ELF2: variants seen among roughly 807,000 people sequenced by gnomAD.
The protein encoded by ELF2 is E74 like ETS transcription factor 2.
A neutral mutation model predicts 54.8 loss-of-function variants in ELF2; 11 were observed. The observed-to-expected ratio is 0.20, with a 90% CI of 0.13 to 0.33. The LOEUF (loss-of-function observed/expected upper bound fraction) is 0.33. Ranked by LOEUF, ELF2 falls within the 10% of genes least tolerant of loss-of-function variation. The pLI is 1.00. For missense variants in ELF2, 513 were observed against 703.0 expected (o/e 0.73, Z 3.06); for synonymous variants, 203 against 245.1 (o/e 0.83, Z 1.61).
intron 1 of ELF2, among the ~76,000 whole-genome samples, chr4:139,153,695 C>T (rs959708079): frequency 2.0e-5 from 3 of 152,138 alleles, no homozygotes; most frequent in African/African-American, 7.2e-5. Flanking sequence ...TAATTTCACC[C>T]TGACAATATA....
chr4:139,159,452 T>C (rs1001962033), intron 1 of ELF2, among the ~76,000 whole-genome samples: 6 of 152,106 alleles, frequency 3.9e-5, no homozygotes, highest in African/African-American at 4.8e-5. Flanking sequence ...TGGGAAGAGA[T>C]TGATAGGTGA....
chr4:139,096,000 ACTCGGGAGGC>A (rs1313266529), intron 4 of ELF2, among the ~76,000 whole-genome samples: 1 of 152,154 alleles, frequency 6.6e-6, no homozygotes. Flanking sequence ...AATCCCAGCT[ACTCGGGAGGC>A]TGAGGCAGGA....
At position 139,060,337 on chromosome 4, in the gene ELF2, T is replaced by C; in HGVS notation, c.1144A>G (p.Thr382Ala). 6.3e-7 allele frequency: 1 copy of C among 1,599,384 alleles called. No individual in the cohort carries two copies. ...TGCTTCACTTACCTTGGAGCTGCTG[T>C]TGCTGACACAGATGCAGTGGTAGTA... is the stretch of plus-strand genomic sequence containing the variant. ...SPTTTASVSA[T>A]AAPRTVRVAM... The change falls in exon 9 of 10, where the codon ACA (threonine) becomes GCA (alanine). Residue 382 changes from threonine (T) to alanine (A), a missense_variant. Around this residue, in one of 3 missense-constraint regions of ELF2, gnomAD observed 291 missense variants for 366.1 expected, o/e 0.79. Coordinates refer to ENST00000686138, the MANE Select transcript of ELF2 (RefSeq NM_001331036.3).
chr4:139,125,199 T>G lies in ELF2; in HGVS notation c.203A>C (p.Glu68Ala). ...ATTCTCGGTCTCAACTTCTTGTTCT[T>G]CTGCCACATCTTGCATCATATAAGT... ...DETYMMQDVA[E>A]EQEVETENVE... The change falls in exon 4 of 10, where the codon GAA (glutamate) becomes GCA (alanine). Residue 68 changes from glutamate (E) to alanine (A), a missense_variant. Physicochemically the swap from Glu to Ala is moderately radical, Grantham distance 107. Transcript: ENST00000686138. 6.2e-7 allele frequency: 1 copy of G among 1,613,066 alleles called. No homozygotes were observed. Among genetic ancestry groups the G allele is most frequent in the Middle Eastern group, 1.7e-4 (1 of 6,060 alleles).
intron 4 of ELF2, among the ~76,000 whole-genome samples, chr4:139,087,823 G>T (rs1278515309): frequency 6.6e-6 from 1 of 152,100 alleles, no homozygotes; most frequent in Non-Finnish European, 1.5e-5. Context: ...AGTTAGAATA[G>T]TTAATGATCT....
chr4:139,140,698 G>A (rs988476867), intron 1 of ELF2, among the ~76,000 whole-genome samples: 9 of 151,496 alleles, frequency 5.9e-5, no homozygotes, highest in African/African-American at 2.2e-4. Context: ...AGGCCACAGT[G>A]AGCTGTGATC....
Position 139,059,206 on chromosome 4 carries a change from T to C in ELF2, c.1559A>G (p.Gln520Arg), listed in dbSNP as rs1476134720. The change falls in exon 10 of 10, where the codon CAG becomes CGG. Residue 520 changes from glutamine to arginine, a missense_variant. Gln to Arg is a conservative substitution (Grantham distance 43, BLOSUM62 1). Around this residue, in one of 3 missense-constraint regions of ELF2, gnomAD observed 291 missense variants for 366.1 expected, o/e 0.79. Transcript: ENST00000686138. The stretch of plus-strand genomic sequence containing the variant: ...TGCACTGATAACTCGAGGAGGAGTC[T>C]GGCCAGATGCCTGCTGAGTAGGCAT... ...LSMPTQQASG[Q>R]TPPRVISAVI... 3.1e-6 allele frequency: 5 copies of C among 1,613,966 alleles called. No homozygotes were observed. In the South Asian group the frequency reaches 5.5e-5, roughly 18 times the overall value.
At chr4:139,177,900 T>C (rs745755391), upstream of ELF2, among the ~76,000 whole-genome samples, 3 of 151,996 alleles carry the variant, frequency 2.0e-5, no homozygotes, top group Non-Finnish European at 4.4e-5. Flanking sequence ...TCCTCAGCCT[T>C]GGCTTAGTGA....
At chr4:139,113,549 C>G (rs2148813273) in intron 4 of ELF2, among the ~76,000 whole-genome samples, 1 of 149,340 alleles carries the variant, frequency 6.7e-6, no homozygotes. Flanking sequence ...TGACAGAGAC[C>G]CTGTCTCAAA....
chr4:139,083,232 G>A (rs1412737909), intron 4 of ELF2, among the ~76,000 whole-genome samples: 1 of 152,040 alleles, frequency 6.6e-6, no homozygotes, highest in Admixed American at 6.6e-5. Context: ...CTTCCCTAGG[G>A]CCAAGACTCC....
intron 4 of ELF2, chr4:139,114,916 T>A (rs980219312): frequency 6.2e-7 from 1 of 1,612,580 alleles, no homozygotes; most frequent in African/African-American, 1.3e-5. Flanking sequence ...ACCGTTCTCC[T>A]GGGTCGGGGA....
At chr4:139,112,047 C>T (rs1307169671) in intron 4 of ELF2, among the ~76,000 whole-genome samples, 1 of 152,178 alleles carries the variant, frequency 6.6e-6, no homozygotes, top group Non-Finnish European at 1.5e-5. Context: ...CTCCTCACTG[C>T]CCTTTAGACT....
intron 4 of ELF2, among the ~76,000 whole-genome samples, chr4:139,098,755 A>T (rs1448327343): frequency 6.6e-6 from 1 of 152,220 alleles, no homozygotes; most frequent in Non-Finnish European, 1.5e-5. Flanking sequence ...GGCATGAGCC[A>T]CCGTGCCCGG....
intron 1 of ELF2, among the ~76,000 whole-genome samples, chr4:139,142,650 T>G (rs920153197): frequency 6.6e-6 from 1 of 152,148 alleles, no homozygotes; most frequent in African/African-American, 2.4e-5. Context: ...TTTAATGTAA[T>G]GCAAACTACT....
chr4:139,157,310 A>G (rs566163301), intron 1 of ELF2, among the ~76,000 whole-genome samples: 85 of 152,326 alleles, frequency 5.6e-4, no homozygotes, highest in African/African-American at 1.9e-3. Context: ...CTGATCCATC[A>G]CTGACTAAAA....
intron 4 of ELF2, among the ~76,000 whole-genome samples, chr4:139,106,714 T>A (rs1734444824): frequency 6.6e-6 from 1 of 151,058 alleles, no homozygotes; most frequent in Admixed American, 6.6e-5. Context: ...TATATCACAA[T>A]TTAAAATAGT....
At chr4:139,142,648 A>G (rs1401643267) in intron 1 of ELF2, among the ~76,000 whole-genome samples, 3 of 152,166 alleles carry the variant, frequency 2.0e-5, no homozygotes, top group Admixed American at 6.5e-5. Flanking sequence ...CTTTTAATGT[A>G]ATGCAAACTA....
At position 139,084,474 on chromosome 4, in the gene ELF2, CGG is replaced by C. The variant is rs1578747567; in HGVS notation, c.239-10909_239-10908del. 6.5e-6 allele frequency: 7 copies of C among 1,075,074 alleles called. No individual in the cohort carries two copies. In the East Asian group the frequency reaches 3.2e-4, roughly 49 times the overall value. 66.6% of individuals were successfully genotyped at this position (1,075,074 alleles called of 1,614,324 possible). ...GCGGCGGCGGCGGCTGTGGCTGTGG[CGG>C]CCGCCGCAGCTGGCAACGCGATCCT... On this transcript the variant is annotated intron_variant, in intron 4 of 9. Transcript: ENST00000686138.
intron 1 of ELF2, among the ~76,000 whole-genome samples, chr4:139,145,667 T>C (rs559372681): frequency 1.3e-5 from 2 of 152,192 alleles, no homozygotes; most frequent in African/African-American, 4.8e-5. Context: ...CCAAATCAAA[T>C]GGCACATCAA....
Sources: gnomAD v4.1 joint callset for allele counts (sites outside exome capture counted in the v4.1 genomes callset) on GRCh38, gnomAD v4.1.1 for gene constraint, gnomAD v4.1.1 regional missense constraint, MANE v1.5 for transcripts, NCBI Gene and HGNC (gene_info 2026-07-23, HGNC 2026-07-21) for gene names.